The following MSRA variants were observed in gnomAD, a reference collection of about 807,000 sequenced individuals.
MSRA encodes mitochondrial peptide methionine sulfoxide reductase.
Under a neutral mutation model 31.3 loss-of-function variants are expected in MSRA, and 54 were observed. That is an observed-to-expected ratio of 1.73 (90% CI 1.39 to 2.17). The LOEUF (loss-of-function observed/expected upper bound fraction) is 2.17. Ranked by LOEUF, MSRA falls within the 30% of genes most tolerant of loss-of-function variation. The pLI is 0.00. For missense variants in MSRA, 507 were observed against 300.9 expected (o/e 1.69, Z -5.07); for synonymous variants, 169 against 116.5 (o/e 1.45, Z -2.90).
Position 10,082,215 on chromosome 8 carries a change from A to G in MSRA, c.142+27557A>G, listed in dbSNP as rs185161628. Among the ~76,000 whole-genome samples, 16 of 152,254 alleles carry G rather than the reference A, an allele frequency of 1.1e-4. No individual in the cohort carries two copies. In the East Asian group the frequency reaches 2.7e-3, roughly 26 times the overall value. ...GTGAAACCCTGCTGCTAAAAAATGAAAAAGCCAAACAAACGAAACAAAACA... is the reference window on the plus strand; with the variant it reads ...GTGAAACCCTGCTGCTAAAAAATGAGAAAGCCAAACAAACGAAACAAAACA... On this transcript the variant is annotated intron_variant, in intron 1 of 5. Coordinates refer to ENST00000317173, the MANE Select transcript of MSRA (RefSeq NM_012331.5).
chr8:10,424,062 C>G (rs1410155302), intron 5 of MSRA, among the ~76,000 whole-genome samples: 4 of 152,210 alleles, frequency 2.6e-5, no homozygotes, highest in Non-Finnish European at 5.9e-5. Flanking sequence ...CATTGCGATG[C>G]CACGCGAACA....
chr8:10,171,930 C>G (rs1485555375), intron 1 of MSRA, among the ~76,000 whole-genome samples: 8 of 152,148 alleles, frequency 5.3e-5, no homozygotes, highest in African/African-American at 2.4e-5. Context: ...AGAGAATGCA[C>G]TATGTGAAGT....
intron 3 of MSRA, among the ~76,000 whole-genome samples, chr8:10,247,139 C>T (rs976056822): frequency 1.2e-4 from 19 of 152,304 alleles, no homozygotes; most frequent in South Asian, 2.1e-4. Context: ...TGATAATTGC[C>T]ATGTGTTAAA....
intron 1 of MSRA, among the ~76,000 whole-genome samples, chr8:10,201,001 A>G (rs1487218929): frequency 3.3e-5 from 5 of 152,284 alleles, no homozygotes; most frequent in East Asian, 3.9e-4. Context: ...TGTGGGCCAC[A>G]TAGGAACCTT....
intron 3 of MSRA, among the ~76,000 whole-genome samples, chr8:10,293,692 C>G (rs899148029): frequency 1.3e-5 from 2 of 152,176 alleles, no homozygotes; most frequent in Non-Finnish European, 2.9e-5. Context: ...GTAAAGGGTT[C>G]CTTTCCTGTT....
chr8:10,346,016 T>C (rs140281691), intron 5 of MSRA, among the ~76,000 whole-genome samples: 1 of 151,586 alleles, frequency 6.6e-6, no homozygotes, highest in South Asian at 2.1e-4. Context: ...CCTAGTGTTT[T>C]TGTTTATTTG....
chr8:10,124,840 C>T (rs1801388548), intron 1 of MSRA, among the ~76,000 whole-genome samples: 1 of 151,984 alleles, frequency 6.6e-6, no homozygotes, highest in South Asian at 2.1e-4. Flanking sequence ...TAATTCATGA[C>T]ATGTAATTTC....
chr8:10,113,869 T>A (rs1800479264), intron 1 of MSRA, among the ~76,000 whole-genome samples: 1 of 152,190 alleles, frequency 6.6e-6, no homozygotes, highest in Non-Finnish European at 1.5e-5. Context: ...GTTATTAGTA[T>A]ATTCACAAAA....
chr8:10,177,634 A>G (rs1806171861), intron 1 of MSRA, among the ~76,000 whole-genome samples: 1 of 152,208 alleles, frequency 6.6e-6, no homozygotes, highest in African/African-American at 2.4e-5. Flanking sequence ...TTTTGGTGAC[A>G]TGATGTATAC....
rs1406052574 is a variant in MSRA at position 10,245,154 on chromosome 8, G to GT, written c.263dup (p.Tyr89ValfsTer18). ...AAGGAAATTCTGGGTCTTGAAAGGA[G>GT]TGTATTCAACTCAAGTTGGTTTTGC... On this transcript the variant is annotated frameshift_variant, in exon 3 of 6. Coordinates refer to ENST00000317173, the MANE Select transcript of MSRA (RefSeq NM_012331.5). LOFTEE classifies it high-confidence loss of function. The GT allele has an allele frequency of 6.2e-7, 1 of 1,613,602 alleles. No homozygotes were observed. The highest frequency in any genetic ancestry group is 1.7e-5 in the Admixed American group (1 of 59,970).
At chr8:10,314,582 G>T (rs942401329) in intron 4 of MSRA, among the ~76,000 whole-genome samples, 12 of 152,164 alleles carry the variant, frequency 7.9e-5, no homozygotes, top group Admixed American at 2.0e-4. Context: ...GACTACTCTG[G>T]AAAAATAGTT....
intron 5 of MSRA, among the ~76,000 whole-genome samples, chr8:10,403,889 G>A (rs1418453359): frequency 1.3e-5 from 2 of 152,144 alleles, no homozygotes; most frequent in African/African-American, 2.4e-5. Context: ...GGATGAGACC[G>A]CACCACTCAC....
At chr8:10,145,001 C>T (rs979949435) in intron 1 of MSRA, among the ~76,000 whole-genome samples, 8 of 151,344 alleles carry the variant, frequency 5.3e-5, no homozygotes, top group African/African-American at 9.7e-5. Flanking sequence ...CCCCTCCCCC[C>T]GCCTCTCCCT....
At chr8:10,164,738 CA>C (rs1804967979) in intron 1 of MSRA, among the ~76,000 whole-genome samples, 1 of 152,152 alleles carries the variant, frequency 6.6e-6, no homozygotes, top group African/African-American at 2.4e-5. Flanking sequence ...CCCTGGGCTG[CA>C]CTTAAAAATC....
intron 1 of MSRA, among the ~76,000 whole-genome samples, chr8:10,115,151 A>T (rs1000485316): frequency 1.3e-5 from 2 of 152,236 alleles, no homozygotes; most frequent in African/African-American, 2.4e-5. Context: ...GGCTTTGGGC[A>T]ACTGGCTTAC....
chr8:10,329,750 A>G (rs1426161466), intron 5 of MSRA, among the ~76,000 whole-genome samples: 1 of 151,328 alleles, frequency 6.6e-6, no homozygotes, highest in Non-Finnish European at 1.5e-5. Context: ...GTGGGAGCGC[A>G]TCTGGCTTGC....
At chr8:10,347,870 C>T (rs1585545019) in intron 5 of MSRA, among the ~76,000 whole-genome samples, 2 of 152,210 alleles carry the variant, frequency 1.3e-5, no homozygotes, top group South Asian at 4.1e-4. Context: ...TAAACAATGA[C>T]TGAACATTCC....
chr8:10,360,864 G>A (rs1470018083), intron 5 of MSRA, among the ~76,000 whole-genome samples: 1 of 152,134 alleles, frequency 6.6e-6, no homozygotes, highest in Non-Finnish European at 1.5e-5. Flanking sequence ...ACTGGCTTTG[G>A]AGTTCATGCC....
At chr8:10,256,001 C>A (rs1798157801) in intron 3 of MSRA, among the ~76,000 whole-genome samples, 1 of 152,066 alleles carries the variant, frequency 6.6e-6, no homozygotes, top group Non-Finnish European at 1.5e-5. Context: ...ACGTCCTCAG[C>A]AGCCATAGTT....
Sources: gnomAD v4.1 joint callset for allele counts (sites outside exome capture counted in the v4.1 genomes callset) on GRCh38, gnomAD v4.1.1 for gene constraint, MANE v1.5 for transcripts, NCBI Gene and HGNC (gene_info 2026-07-23, HGNC 2026-07-21) for gene names.